DTL: variants seen among roughly 807,000 people sequenced by gnomAD.
DTL encodes denticleless E3 ubiquitin protein ligase adapter.
Under a neutral mutation model 87.0 loss-of-function variants are expected in DTL, and 46 were observed. The ratio of observed to expected loss-of-function variants is 0.53; its 90% CI spans 0.42 to 0.68. The LOEUF (loss-of-function observed/expected upper bound fraction) is 0.68. Ranked by LOEUF, DTL falls within the 30% of genes least tolerant of loss-of-function variation. The pLI is 0.00. For missense variants in DTL, 737 were observed against 869.4 expected, an observed-to-expected ratio of 0.85 and a Z score of 1.91; for synonymous variants, 308 against 311.2, an observed-to-expected ratio of 0.99 and a Z score of 0.11.
At chr1:212,044,043 C>A (rs1005760585) in intron 2 of DTL, among the ~76,000 whole-genome samples, 1 of 151,956 alleles carries the variant, frequency 6.6e-6, no homozygotes, top group South Asian at 2.1e-4. Context: ...GAGCTGAGAT[C>A]ACGCCACTGC....
At chr1:212,048,957 C>T (rs932779203) in intron 5 of DTL, among the ~76,000 whole-genome samples, 1 of 152,020 alleles carries the variant, frequency 6.6e-6, no homozygotes, top group African/African-American at 2.4e-5. Context: ...AAGTCTCACT[C>T]TGTTGCCCAG....
Position 212,101,047 on chromosome 1 carries a change from A to G in DTL, c.2057A>G (p.Asn686Ser). The change falls in exon 14 of 15, where the codon AAT becomes AGT. Residue 686 changes from asparagine to serine, a missense_variant. By Grantham distance (46) the Asn-to-Ser change is conservative (BLOSUM62 1). Transcript: ENST00000366991. Reference protein sequence around the residue: ...SPRSPSSQTPNSRRQSGKKLP... With the variant: ...SPRSPSSQTPSSRRQSGKKLP... ...CGAAGTCCGTCATCCCAGACACCCAATTCCAGGAGACAGAGCGGAAAGAAA... is the reference window on the plus strand; with the variant it reads ...CGAAGTCCGTCATCCCAGACACCCAGTTCCAGGAGACAGAGCGGAAAGAAA... 6.2e-7 allele frequency: 1 copy of G among 1,612,982 alleles called. No homozygotes were observed. Among genetic ancestry groups the G allele is most frequent in the South Asian group, 1.1e-5 (1 of 90,876 alleles).
chr1:212,035,976 G>A, intron 1 of DTL, 34 bp downstream of exon 1: 1 of 1,610,320 alleles, frequency 6.2e-7, no homozygotes, highest in African/African-American at 1.3e-5. Flanking sequence ...CTCGGAGCTG[G>A]CGGAATTCAT....
chr1:212,086,000 T>G (rs766808979), intron 13 of DTL, among the ~76,000 whole-genome samples: 1 of 152,252 alleles, frequency 6.6e-6, no homozygotes, highest in Non-Finnish European at 1.5e-5. Context: ...CTGTCCTTAT[T>G]ATGGTTCTGC....
At chr1:212,041,312 GT>G (rs1159356431) in intron 1 of DTL, among the ~76,000 whole-genome samples, 2 of 151,954 alleles carry the variant, frequency 1.3e-5, no homozygotes, top group African/African-American at 4.8e-5. Context: ...AAAATTGTAG[GT>G]TTTTTGGAGT....
rs1655675579 is a variant in DTL, at chr1:212,103,250, C to G, written c.*310C>G. ...TTCATCTTCTCTATAATAATGACAT[C>G]CCAGTTCATGGAGGCAAAAAACAAG... On this transcript the variant is annotated 3_prime_UTR_variant, in exon 15 of 15. Coordinates refer to ENST00000366991, the MANE Select transcript of DTL (RefSeq NM_016448.4). The G allele has an allele frequency of 6.1e-6, 1 of 164,672 alleles. No homozygotes were observed. Among genetic ancestry groups the G allele is most frequent in the African/African-American group, 2.4e-5 (1 of 41,866 alleles). The allele number at this position is 164,672 out of a possible 1,614,324, so 10.2% of individuals were successfully genotyped here. A position where few individuals can be genotyped will look rare whatever the true frequency, so the allele number is the denominator to read the frequency against.
At chr1:212,042,252 A>T (rs1667675188) in intron 1 of DTL, among the ~76,000 whole-genome samples, 1 of 142,420 alleles carries the variant, frequency 7.0e-6, no homozygotes, top group Non-Finnish European at 1.5e-5. Flanking sequence ...CATAGTGCAC[A>T]TTAGACCTCT....
rs1297696647 is a variant in DTL, at chr1:212,084,195, TTTTTTCTTTTC to T, written c.1261+3451_1261+3461del. On this transcript the variant is annotated intron_variant, in intron 13 of 14. Transcript: ENST00000366991. Reference sequence around the variant, plus strand: ...TTGCTCTTTGCTTTTTTTAATTTCTTTTTTTCTTTTCTTTTTTTTTTTTTGAGACAAAGTCT... The same window carrying T: ...TTGCTCTTTGCTTTTTTTAATTTCTTTTTTTTTTTTTTTGAGACAAAGTCT... Among the ~76,000 whole-genome samples, 279 of 48,106 alleles carry T rather than the reference TTTTTTCTTTTC, an allele frequency of 5.8e-3. 3 individuals carry two copies. The highest frequency in any genetic ancestry group is 0.041 in the East Asian group (35 of 864). The allele number at this position is 48,106 out of a possible 152,430, so 31.6% of individuals were successfully genotyped here. A position where few individuals can be genotyped will look rare whatever the true frequency, so the allele number is the denominator to read the frequency against.
In DTL at chr1:212,044,627, C is replaced by CTG. The variant is rs1667755217; in HGVS notation, c.179-32_179-31insGT. On this transcript the variant is annotated intron_variant, in intron 2 of 14. Transcript: ENST00000366991. Reference sequence around the variant, plus strand: ...GAAAAAAAAAAAAAAAATTGTGTTACTCTATATATTTTTTTCTTTATTTCT... The same window carrying CTG: ...GAAAAAAAAAAAAAAAATTGTGTTACTGTCTATATATTTTTTTCTTTATTTCT... The CTG allele has an allele frequency of 2.8e-4, 340 of 1,226,284 alleles. 4 individuals are homozygous for CTG. Among genetic ancestry groups the CTG allele is most frequent in the Non-Finnish European group, 3.6e-4 (310 of 872,004 alleles). The allele number at this position is 1,226,284 out of a possible 1,614,324, so 76.0% of individuals were successfully genotyped here. A position where few individuals can be genotyped will look rare whatever the true frequency, so the allele number is the denominator to read the frequency against.
At chr1:212,061,971 T>C (rs992699027) in intron 5 of DTL, among the ~76,000 whole-genome samples, 7 of 152,300 alleles carry the variant, frequency 4.6e-5, no homozygotes, top group Non-Finnish European at 1.0e-4. Flanking sequence ...CAAATTATTG[T>C]ATATTTCAAG....
At chr1:212,055,219 G>T (rs893448785) in intron 5 of DTL, among the ~76,000 whole-genome samples, 2 of 149,944 alleles carry the variant, frequency 1.3e-5, no homozygotes, top group African/African-American at 5.1e-5. Flanking sequence ...CTAGGAATCT[G>T]GAGAGGCTTC....
chr1:212,078,247 A>C lies in DTL; in HGVS notation c.1110A>C (p.Pro370=). 1.9e-6 allele frequency: 3 copies of C among 1,605,746 alleles called. No homozygotes were observed. Among genetic ancestry groups the C allele is most frequent in the Non-Finnish European group, 1.7e-6 (2 of 1,172,784 alleles). The change falls in exon 12 of 15, where the codon CCA becomes CCC. Residue 370 remains proline, a synonymous_variant. Coordinates refer to ENST00000366991, the MANE Select transcript of DTL (RefSeq NM_016448.4). ...AGGTCACGTCTGTGTGCTGGTGTCC[A>C]TCTGACTTCACAAAGGTTTGTAAAT... ...SQEVTSVCWC[P]SDFTKIATCS...
chr1:212,043,145 C>T, intron 2 of DTL, 27 bp downstream of exon 2: 1 of 1,599,260 alleles, frequency 6.3e-7, no homozygotes. Context: ...CTAGGCAAGG[C>T]TTGGACAGAA....
intron 11 of DTL, among the ~76,000 whole-genome samples, chr1:212,074,709 C>G (rs1654777355): frequency 6.6e-6 from 1 of 152,050 alleles, no homozygotes; most frequent in Non-Finnish European, 1.5e-5. Context: ...AGTATCCAGG[C>G]TGTTAGATTG....
Position 212,044,728 on chromosome 1 carries a change from T to G in DTL, c.247T>G (p.Ser83Ala). 6.2e-7 allele frequency: 1 copy of G among 1,613,000 alleles called. No homozygotes were observed. Among genetic ancestry groups the G allele is most frequent in the Non-Finnish European group, 8.5e-7 (1 of 1,179,290 alleles). ...CTTTGTTCGATTGTATAACACAGAATCACAAAGTTTCAGAAAGAAGTGCTT... is the reference window on the plus strand; with the variant it reads ...CTTTGTTCGATTGTATAACACAGAAGCACAAAGTTTCAGAAAGAAGTGCTT... ...EGFVRLYNTESQSFRKKCFKE... is the reference protein window; with the variant it reads ...EGFVRLYNTEAQSFRKKCFKE... The change falls in exon 3 of 15, where the codon TCA becomes GCA. Residue 83 changes from serine (S) to alanine (A), a missense_variant. Coordinates refer to ENST00000366991, the MANE Select transcript of DTL (RefSeq NM_016448.4).
intron 13 of DTL, among the ~76,000 whole-genome samples, chr1:212,085,656 T>C (rs1558087539): frequency 2.7e-5 from 4 of 150,890 alleles, no homozygotes; most frequent in African/African-American, 9.7e-5. Flanking sequence ...GAAGTTCAGT[T>C]TATCTGTTTT....
intron 13 of DTL, 149 bp downstream of exon 13, chr1:212,080,899 T>C: frequency 2.4e-6 from 2 of 819,852 alleles, no homozygotes; most frequent in South Asian, 3.8e-5. Context: ...GATAAGTATT[T>C]CCCAAGCACT....
Position 212,061,536 on chromosome 1 carries a change from C to A in DTL, c.461-1348C>A, listed in dbSNP as rs1654312014. 2.6e-5 allele frequency among the ~76,000 whole-genome samples: 4 copies of A among 151,572 alleles called. No homozygotes were observed. The South Asian group carries it at 8.3e-4, about 31-fold the overall frequency. ...ACAAATAGAATTACCATTGATCTAG[C>A]AGTCTCATTATTGGGTATTGATTCA... On this transcript the variant is annotated intron_variant, in intron 5 of 14. Coordinates refer to ENST00000366991, the MANE Select transcript of DTL (RefSeq NM_016448.4).
chr1:212,055,243 G>A (rs1467576315), intron 5 of DTL, among the ~76,000 whole-genome samples: 1 of 150,680 alleles, frequency 6.6e-6, no homozygotes, highest in Non-Finnish European at 1.5e-5. Flanking sequence ...TGCAGGGACA[G>A]AGTAAGTGGG....
Sources: gnomAD v4.1 joint callset for allele counts (sites outside exome capture counted in the v4.1 genomes callset) on GRCh38, gnomAD v4.1.1 for gene constraint, MANE v1.5 for transcripts, NCBI Gene and HGNC (gene_info 2026-07-23, HGNC 2026-07-21) for gene names.